The following LRRC4C variants were observed in gnomAD, a reference collection of about 807,000 sequenced individuals.
LRRC4C encodes leucine-rich repeat-containing protein 4C.
A neutral mutation model predicts 33.6 loss-of-function variants in LRRC4C; 5 were observed. The observed-to-expected ratio is 0.15, with a 90% CI of 0.08 to 0.31. The LOEUF is 0.31. LRRC4C is among the 10% of genes least tolerant of loss of function. LRRC4C has a pLI of 1.00. For missense variants in LRRC4C, 560 were observed against 796.7 expected (o/e 0.70, Z 3.58); for synonymous variants, 329 against 302.0 (o/e 1.09, Z -0.93).
intron 2 of LRRC4C, among the ~76,000 whole-genome samples, chr11:40,896,578 TA>T (rs1955950784): frequency 6.6e-6 from 1 of 152,062 alleles, no homozygotes; most frequent in Non-Finnish European, 1.5e-5. Flanking sequence ...CACTGGAATT[TA>T]AAGACAGTTA....
At chr11:40,601,610 G>A (rs1408982673) in intron 3 of LRRC4C, among the ~76,000 whole-genome samples, 1 of 152,278 alleles carries the variant, frequency 6.6e-6, no homozygotes, top group East Asian at 1.9e-4. Flanking sequence ...TTGCATGAAT[G>A]GCTTCATTTT....
At chr11:41,169,344 A>G in intron 1 of LRRC4C, among the ~76,000 whole-genome samples, 1 of 152,176 alleles carries the variant, frequency 6.6e-6, no homozygotes, top group East Asian at 1.9e-4. Context: ...CATGATTATT[A>G]ATCGAGTTAA....
chr11:40,434,881 A>C (rs1280495415), intron 3 of LRRC4C, among the ~76,000 whole-genome samples: 2 of 152,208 alleles, frequency 1.3e-5, no homozygotes, highest in Non-Finnish European at 2.9e-5. Context: ...GAAAGAGAGA[A>C]TGATGAATAG....
chr11:40,213,245 T>G (rs1863735828), intron 5 of LRRC4C, among the ~76,000 whole-genome samples: 1 of 152,160 alleles, frequency 6.6e-6, no homozygotes, highest in Admixed American at 6.6e-5. Flanking sequence ...GATATTCAGT[T>G]ATGCCTATTA....
At chr11:40,646,854 C>T (rs1027896484) in intron 3 of LRRC4C, among the ~76,000 whole-genome samples, 1 of 152,200 alleles carries the variant, frequency 6.6e-6, no homozygotes, top group Non-Finnish European at 1.5e-5. Context: ...GATCCGCCCA[C>T]CTCGGCCTCC....
intron 4 of LRRC4C, among the ~76,000 whole-genome samples, chr11:40,306,736 A>G (rs1420728634): frequency 1.3e-5 from 2 of 152,162 alleles, no homozygotes; most frequent in African/African-American, 4.8e-5. Flanking sequence ...TGTAGCTCCA[A>G]TGATTGCCAC....
At chr11:41,190,997 C>A (rs1945920018) in intron 1 of LRRC4C, among the ~76,000 whole-genome samples, 1 of 152,110 alleles carries the variant, frequency 6.6e-6, no homozygotes, top group African/African-American at 2.4e-5. Context: ...GGCCTTGGCT[C>A]ATCTGTATTT....
At chr11:40,996,152 A>C (rs571237517) in intron 1 of LRRC4C, among the ~76,000 whole-genome samples, 2 of 152,194 alleles carry the variant, frequency 1.3e-5, no homozygotes, top group Non-Finnish European at 1.5e-5. Flanking sequence ...ATTTGTAGTT[A>C]CCAAATGAAA....
intron 2 of LRRC4C, among the ~76,000 whole-genome samples, chr11:40,674,549 T>C (rs147237698): frequency 1.3e-5 from 2 of 152,350 alleles, no homozygotes; most frequent in African/African-American, 4.8e-5. Context: ...CATCAGTTTG[T>C]ATCAGATGAG....
At chr11:40,609,738 T>C (rs75952499) in intron 3 of LRRC4C, among the ~76,000 whole-genome samples, 81 of 151,940 alleles carry the variant, frequency 5.3e-4, no homozygotes, top group African/African-American at 1.8e-3. Context: ...CACAGAAATA[T>C]AAAGATTATA....
chr11:41,033,322 G>A (rs1228791630), intron 1 of LRRC4C, among the ~76,000 whole-genome samples: 2 of 152,008 alleles, frequency 1.3e-5, no homozygotes, highest in African/African-American at 4.8e-5. Flanking sequence ...CCTAAGCACT[G>A]AACAGAGAAA....
intron 2 of LRRC4C, among the ~76,000 whole-genome samples, chr11:40,701,974 C>T (rs931436130): frequency 4.1e-4 from 63 of 151,908 alleles, no homozygotes; most frequent in African/African-American, 1.5e-3. Context: ...GTATAATAGT[C>T]ACATTTGAAA....
intron 1 of LRRC4C, among the ~76,000 whole-genome samples, chr11:41,297,389 C>T (rs1334155545): frequency 6.6e-6 from 1 of 152,106 alleles, no homozygotes; most frequent in Non-Finnish European, 1.5e-5. Context: ...CAAGGTGATA[C>T]TGGCCTTGTA....
At chr11:41,238,907 A>G (rs1288973651) in intron 1 of LRRC4C, among the ~76,000 whole-genome samples, 1 of 152,110 alleles carries the variant, frequency 6.6e-6, no homozygotes, top group Non-Finnish European at 1.5e-5. Flanking sequence ...TGCTTACTGG[A>G]ATTGAATCTA....
chr11:40,622,787 C>T (rs1256354044), intron 3 of LRRC4C, among the ~76,000 whole-genome samples: 1 of 151,734 alleles, frequency 6.6e-6, no homozygotes, highest in Non-Finnish European at 1.5e-5. Context: ...GGGATAAACA[C>T]ACTCTCTATA....
At chr11:40,801,468 G>A (rs867526859) in intron 2 of LRRC4C, among the ~76,000 whole-genome samples, 4 of 152,110 alleles carry the variant, frequency 2.6e-5, no homozygotes, top group Admixed American at 2.0e-4. Context: ...TGGTTTAAGT[G>A]TATTTTTATT....
At chr11:40,320,040 A>G (rs1590304088) in intron 3 of LRRC4C, among the ~76,000 whole-genome samples, 1 of 152,184 alleles carries the variant, frequency 6.6e-6, no homozygotes, top group East Asian at 1.9e-4. Context: ...ATTGCATTTT[A>G]TTGAAATGTG....
chr11:41,133,599 C>A (rs1435871892), intron 1 of LRRC4C, among the ~76,000 whole-genome samples: 1 of 147,824 alleles, frequency 6.8e-6, no homozygotes. Flanking sequence ...CCTCATTATA[C>A]TCCCTCCACT....
At chr11:40,620,833 T>C (rs1321314660) in intron 3 of LRRC4C, among the ~76,000 whole-genome samples, 1 of 151,796 alleles carries the variant, frequency 6.6e-6, no homozygotes, top group Non-Finnish European at 1.5e-5. Flanking sequence ...GTAGGGAAAG[T>C]ACAATAATAT....
Sources: gnomAD v4.1 joint callset for allele counts (sites outside exome capture counted in the v4.1 genomes callset) on GRCh38, gnomAD v4.1.1 for gene constraint, MANE v1.5 for transcripts, NCBI Gene and HGNC (gene_info 2026-07-23, HGNC 2026-07-21) for gene names.